Variants in MAPK9 observed in about 807,000 individuals in gnomAD.
The protein encoded by MAPK9 is Jun kinase.
A neutral mutation model predicts 57.1 loss-of-function variants in MAPK9; 30 were observed. The ratio of observed to expected loss-of-function variants is 0.53; its 90% CI spans 0.39 to 0.71. The LOEUF is 0.71. Among genes scored for constraint, MAPK9 ranks in the 30% least tolerant of loss-of-function variants. The probability of loss-of-function intolerance (pLI) is 0.00; values close to 1 mark genes in which losing one functional copy is unlikely to be tolerated. For synonymous variants in MAPK9, 155 were observed against 177.0 expected (o/e 0.88, Z 0.99); for missense variants, 362 against 521.0 (o/e 0.69, Z 2.97).
intron 7 of MAPK9, among the ~76,000 whole-genome samples, chr5:180,243,680 T>C (rs1434416156): frequency 6.6e-6 from 1 of 152,230 alleles, no homozygotes; most frequent in Non-Finnish European, 1.5e-5. Flanking sequence ...CAAAATGTTA[T>C]ACTTCCAAAA....
chr5:180,270,759 G>A (rs927887038), intron 2 of MAPK9, among the ~76,000 whole-genome samples: 4 of 150,694 alleles, frequency 2.7e-5, no homozygotes, highest in African/African-American at 9.7e-5. Context: ...ACTGAGGTGG[G>A]AGGACTGCTT....
intron 5 of MAPK9, among the ~76,000 whole-genome samples, chr5:180,260,245 C>A (rs1206149465): frequency 6.6e-6 from 1 of 152,152 alleles, no homozygotes; most frequent in Admixed American, 6.5e-5. Context: ...TTGTTTCTCT[C>A]CGGCACATTG....
chr5:180,271,892 T>C (rs1252844910), intron 2 of MAPK9, among the ~76,000 whole-genome samples: 3 of 152,226 alleles, frequency 2.0e-5, no homozygotes, highest in Non-Finnish European at 4.4e-5. Context: ...CACACATTTC[T>C]AATAAATAAT....
chr5:180,248,375 A>G (rs1250759918), intron 6 of MAPK9, among the ~76,000 whole-genome samples: 1 of 152,254 alleles, frequency 6.6e-6, no homozygotes, highest in Admixed American at 6.5e-5. Flanking sequence ...CTCATTTCAG[A>G]TGACCCGGGC....
chr5:180,265,172 C>T (rs561278271), intron 3 of MAPK9, among the ~76,000 whole-genome samples: 6 of 152,290 alleles, frequency 3.9e-5, no homozygotes, highest in South Asian at 4.1e-4. Flanking sequence ...TTAAATACTA[C>T]GCACAAATTT....
Position 180,257,237 on chromosome 5 carries a change from G to A in MAPK9, c.450+4447C>T, listed in dbSNP as rs752298717. Among the ~76,000 whole-genome samples the A allele has an allele frequency of 5.9e-5, 9 of 152,146 alleles. 1 individual carries two copies. Among genetic ancestry groups the A allele is most frequent in the Non-Finnish European group, 4.4e-5 (3 of 68,006 alleles). Reference sequence around the variant, plus strand: ...ACAACCCTGCCCTCTGTGGGTCGGTGGGCTCTACCCCCAAGGGAGGCCTTC... The same window carrying A: ...ACAACCCTGCCCTCTGTGGGTCGGTAGGCTCTACCCCCAAGGGAGGCCTTC... On this transcript the variant is annotated intron_variant, in intron 5 of 11. Coordinates refer to ENST00000452135, the MANE Select transcript of MAPK9 (RefSeq NM_002752.5).
chr5:180,237,717 C>A (rs571952830), intron 11 of MAPK9: 2 of 152,438 alleles, frequency 1.3e-5, no homozygotes, highest in Non-Finnish European at 2.9e-5. Context: ...CCTGGCACAT[C>A]AGTAAAATGT....
intron 1 of MAPK9, among the ~76,000 whole-genome samples, chr5:180,287,941 A>G (rs906661149): frequency 6.6e-6 from 1 of 152,210 alleles, no homozygotes; most frequent in Non-Finnish European, 1.5e-5. Context: ...TAAATGGGAG[A>G]AAAAATGCGG....
intron 4 of MAPK9, 123 bp downstream of exon 4, chr5:180,264,658 T>C (rs1171608954): frequency 2.3e-6 from 2 of 871,214 alleles, no homozygotes; most frequent in Admixed American, 3.9e-5. Context: ...ACAGAGAAAG[T>C]TATCTGTGAT....
At chr5:180,289,744 G>A (rs545658164) in intron 1 of MAPK9, among the ~76,000 whole-genome samples, 1 of 152,262 alleles carries the variant, frequency 6.6e-6, no homozygotes, top group African/African-American at 2.4e-5. Context: ...CAGTCCTGGA[G>A]GATGACGATC....
At position 180,259,931 on chromosome 5, in the gene MAPK9, G is replaced by C. The variant is rs1759743392; in HGVS notation, c.450+1753C>G. ...TGTAAGGATTTGGGGAAAACATTCA[G>C]TTAATTCAGTTATCTTTGAAAACAT... On this transcript the variant is annotated intron_variant, in intron 5 of 11. Transcript: ENST00000452135. 1.3e-5 allele frequency among the ~76,000 whole-genome samples: 2 copies of C among 152,200 alleles called. 1 individual carries two copies. The highest frequency in any genetic ancestry group is 4.1e-4 in the South Asian group (2 of 4,828).
chr5:180,273,140 G>A (rs1308844226), intron 2 of MAPK9, among the ~76,000 whole-genome samples: 1 of 152,156 alleles, frequency 6.6e-6, no homozygotes, highest in East Asian at 1.9e-4. Flanking sequence ...GATGAATAAC[G>A]GCATTGAGCA....
At chr5:180,283,692 T>C (rs1762499091) in intron 1 of MAPK9, among the ~76,000 whole-genome samples, 1 of 152,226 alleles carries the variant, frequency 6.6e-6, no homozygotes, top group Admixed American at 6.5e-5. Context: ...TCCCAGCACT[T>C]TGGGAGGCCA....
chr5:180,290,038 TG>T (rs1396252420), intron 1 of MAPK9, among the ~76,000 whole-genome samples: 2 of 16,732 alleles, frequency 1.2e-4, no homozygotes, highest in African/African-American at 1.4e-3. Context: ...TAAAATTTTT[TG>T]TAGAGACAGA....
rs1334259648 is a variant in MAPK9 at position 180,241,100 on chromosome 5, C to T, written c.927G>A (p.Arg309=). 1.3e-5 allele frequency: 21 copies of T among 1,614,094 alleles called. No individual in the cohort carries two copies. Among genetic ancestry groups the T allele is most frequent in the Non-Finnish European group, 1.7e-5 (20 of 1,179,988 alleles). ...SKMLVIDPDK[R]ISVDEALRHP... is the part of the protein sequence containing the mutation. Reference sequence around the variant, plus strand: ...GACGCAGAGCTTCGTCTACAGAGATCCGCTTGTCAGGATCAATCACTAACA... The same window carrying T: ...GACGCAGAGCTTCGTCTACAGAGATTCGCTTGTCAGGATCAATCACTAACA... The change falls in exon 9 of 12, where the codon CGG becomes CGA. Residue 309 remains arginine, a synonymous_variant. Coordinates refer to ENST00000452135, the MANE Select transcript of MAPK9 (RefSeq NM_002752.5).
At position 180,291,928 on chromosome 5, in the gene MAPK9, GCGGCCC is replaced by G. The variant is rs1763299095; in HGVS notation, c.-134_-129del. The stretch of plus-strand genomic sequence containing the variant: ...CTGCGTGCTAGTCACTCCTGGCTCC[GCGGCCC>G]CGGCTCCGCCGCCGGCCCGCCCCGC... On this transcript the variant is annotated 5_prime_UTR_variant, in exon 1 of 12. Transcript: ENST00000452135. The G allele has an allele frequency of 6.7e-6, 1 of 148,288 alleles. No homozygotes were observed. The highest frequency in any genetic ancestry group is 1.5e-5 in the Non-Finnish European group (1 of 67,128). 9.2% of individuals were successfully genotyped at this position (148,288 alleles called of 1,614,324 possible). A position where few individuals can be genotyped will look rare whatever the true frequency, so the allele number is the denominator to read the frequency against.
chr5:180,233,681 T>C lies in MAPK9; in HGVS notation c.*2703A>G, dbSNP rs959834973. The C allele has an allele frequency of 6.6e-6, 1 of 152,232 alleles. No homozygotes were observed. Among genetic ancestry groups the C allele is most frequent in the Non-Finnish European group, 1.5e-5 (1 of 68,050 alleles). The allele number at this position is 152,232 out of a possible 1,614,324, so 9.4% of individuals were successfully genotyped here. A position where few individuals can be genotyped will look rare whatever the true frequency, so the allele number is the denominator to read the frequency against. ...TTATAAAACATTAGCAATGTTACTT[T>C]TGAGATATGCAATCTGAAAGGTCAC... On this transcript the variant is annotated 3_prime_UTR_variant, in exon 12 of 12. Transcript: ENST00000452135.
chr5:180,236,858 A>G (rs1230239384), intron 11 of MAPK9: 2 of 172,928 alleles, frequency 1.2e-5, no homozygotes, highest in Non-Finnish European at 2.4e-5. Flanking sequence ...AGCTATATTT[A>G]TCTGAAAATG....
intron 7 of MAPK9, among the ~76,000 whole-genome samples, chr5:180,243,547 C>A (rs1478534338): frequency 6.6e-6 from 1 of 152,060 alleles, no homozygotes; most frequent in Non-Finnish European, 1.5e-5. Context: ...CAAGAGAATG[C>A]AAGTGAGAAA....
Sources: allele counts gnomAD v4.1 joint callset (sites outside exome capture counted in the v4.1 genomes callset), GRCh38; gene constraint gnomAD v4.1.1; transcripts MANE v1.5; gene names NCBI Gene and HGNC (gene_info 2026-07-23, HGNC 2026-07-21).